Variants in RRM2 observed in about 807,000 individuals in gnomAD.
RRM2 encodes ribonucleoside-diphosphate reductase subunit M2.
RRM2 carries 6 observed loss-of-function variants against 45.9 expected under a neutral mutation model. The observed-to-expected ratio is 0.13, with a 90% CI of 0.07 to 0.26. The LOEUF (loss-of-function observed/expected upper bound fraction) is 0.26. Ranked by LOEUF, RRM2 falls within the 10% of genes least tolerant of loss-of-function variation. The pLI is 1.00. For missense variants in RRM2, 343 were observed against 489.5 expected, an observed-to-expected ratio of 0.70 and a Z score of 2.82; for synonymous variants, 177 against 173.0, an observed-to-expected ratio of 1.02 and a Z score of -0.18.
intron 3 of RRM2, among the ~76,000 whole-genome samples, chr2:10,178,614 G>A (rs1363735232): frequency 6.6e-6 from 1 of 152,156 alleles, no homozygotes; most frequent in African/African-American, 2.4e-5. Flanking sequence ...GTCACCATAA[G>A]AATGGTCTGT....
intron 3 of RRM2, among the ~76,000 whole-genome samples, chr2:10,208,464 A>G (rs1476305341): frequency 6.6e-6 from 1 of 152,218 alleles, no homozygotes; most frequent in Non-Finnish European, 1.5e-5. Context: ...ATGAGCAGAC[A>G]CAAAAGAATA....
At chr2:10,188,355 G>A (rs1664214116) in intron 3 of RRM2, among the ~76,000 whole-genome samples, 1 of 152,226 alleles carries the variant, frequency 6.6e-6, no homozygotes, top group African/African-American at 2.4e-5. Context: ...GGTAGACTCA[G>A]TTTCTAGTGG....
downstream of RRM2, among the ~76,000 whole-genome samples, chr2:10,134,308 G>A (rs1351248960): frequency 6.6e-6 from 1 of 152,086 alleles, no homozygotes; most frequent in Non-Finnish European, 1.5e-5. Flanking sequence ...TAGTCCCTTA[G>A]AGAAATTAAA....
At chr2:10,198,510 C>T (rs1664462362) in intron 3 of RRM2, 1 of 152,084 alleles carries the variant, frequency 6.6e-6, no homozygotes, top group African/African-American at 2.4e-5. Context: ...TCAAGCAATC[C>T]TCCAGCTTCA....
intron 3 of RRM2, among the ~76,000 whole-genome samples, chr2:10,151,754 C>A (rs1230126422): frequency 6.6e-6 from 1 of 152,220 alleles, no homozygotes; most frequent in Non-Finnish European, 1.5e-5. Context: ...TTGCTTCATA[C>A]CCTTGCCAAC....
chr2:10,204,805 T>C lies in RRM2; in HGVS notation n.483-5506T>C, dbSNP rs971593851. Among the ~76,000 whole-genome samples, 1 of 152,176 alleles carries C rather than the reference T, an allele frequency of 6.6e-6. No individual in the cohort carries two copies. The highest frequency in any genetic ancestry group is 2.4e-5 in the African/African-American group (1 of 41,428). ...GTCCCTTTTCCTCTTCCAAGATGGG[T>C]GGCACTGAACGCCGAGGCCACGGCC... On this transcript the variant is annotated intron_variant and non_coding_transcript_variant, in intron 3 of 3. Coordinates refer to the RRM2 transcript ENST00000381786. This position sits in a 1 kb window ranked among gnomAD's most constrained non-coding sequence, Gnocchi z 4.0.
In RRM2 at chr2:10,130,452, ATTT is replaced by A. The variant is rs1662873280; in HGVS notation, c.*1070_*1072del. Reference sequence around the variant, plus strand: ...ATTTACTATGTCTGTTAAATCAGAAATTTTTTATTATCTATGTTCTTCTAGATT... The same window carrying A: ...ATTTACTATGTCTGTTAAATCAGAAATTTATTATCTATGTTCTTCTAGATT... On this transcript the variant is annotated 3_prime_UTR_variant, in exon 10 of 10. Coordinates refer to ENST00000304567, the MANE Select transcript of RRM2 (RefSeq NM_001034.4). The A allele has an allele frequency of 6.6e-6, 1 of 151,960 alleles. No individual in the cohort carries two copies. Among genetic ancestry groups the A allele is most frequent in the South Asian group, 2.1e-4 (1 of 4,820 alleles). 9.4% of individuals were successfully genotyped at this position (151,960 alleles called of 1,614,324 possible). A position where few individuals can be genotyped will look rare whatever the true frequency, so the allele number is the denominator to read the frequency against.
At chr2:10,124,346 TCCAC>T (rs1225313003) in intron 4 of RRM2, among the ~76,000 whole-genome samples, 1 of 152,198 alleles carries the variant, frequency 6.6e-6, no homozygotes, top group African/African-American at 2.4e-5. Flanking sequence ...CCTCAGGTGA[TCCAC>T]CCACCTTGGC....
In RRM2 at chr2:10,205,020, A is replaced by G. The variant is rs1664636626; in HGVS notation, n.483-5291A>G. On this transcript the variant is annotated intron_variant and non_coding_transcript_variant, in intron 3 of 3. Coordinates refer to the RRM2 transcript ENST00000381786. This position sits in a 1 kb window ranked among gnomAD's most constrained non-coding sequence, Gnocchi z 4.8. Reference sequence around the variant, plus strand: ...AGCAAAGTCAGACGCAGTGGTTACAAGCAACCCCACGTGGTCTGCTTCGAA... The same window carrying G: ...AGCAAAGTCAGACGCAGTGGTTACAGGCAACCCCACGTGGTCTGCTTCGAA... 6.6e-6 allele frequency among the ~76,000 whole-genome samples: 1 copy of G among 152,248 alleles called. No homozygotes were observed. The highest frequency in any genetic ancestry group is 2.4e-5 in the African/African-American group (1 of 41,464).
downstream of RRM2, among the ~76,000 whole-genome samples, chr2:10,131,625 GC>G (rs1436303821): frequency 6.6e-6 from 1 of 152,154 alleles, no homozygotes; most frequent in Non-Finnish European, 1.5e-5. Flanking sequence ...TGTAATCCCA[GC>G]TACTCGTGAG....
Position 10,170,287 on chromosome 2 carries a change from A to G in RRM2, n.482+27912A>G, listed in dbSNP as rs186345783. Among the ~76,000 whole-genome samples the G allele has an allele frequency of 2.5e-4, 38 of 152,314 alleles. No individual in the cohort carries two copies. In the East Asian group the frequency reaches 3.7e-3, roughly 15 times the overall value. On this transcript the variant is annotated intron_variant and non_coding_transcript_variant, in intron 3 of 3. Transcript: ENST00000381786. ...GAGCAGGTGGCTGGAGACATAGAAC[A>G]TAAATATATCATGACTTGGGAGTTG...
Position 10,130,151 on chromosome 2 carries a change from T to G in RRM2, c.*765T>G, listed in dbSNP as rs886174658. 1.3e-5 allele frequency: 2 copies of G among 152,196 alleles called. No homozygotes were observed. Among genetic ancestry groups the G allele is most frequent in the African/African-American group, 4.8e-5 (2 of 41,452 alleles). The allele number at this position is 152,196 out of a possible 1,614,324, so 9.4% of individuals were successfully genotyped here. ...TTCTTAAGTTAAATCACTAGAAATTTAGGGGTGATCTGGGCCTTCATATGT... is the reference window on the plus strand; with the variant it reads ...TTCTTAAGTTAAATCACTAGAAATTGAGGGGTGATCTGGGCCTTCATATGT... On this transcript the variant is annotated 3_prime_UTR_variant, in exon 10 of 10. Coordinates refer to ENST00000304567, the MANE Select transcript of RRM2 (RefSeq NM_001034.4).
chr2:10,149,129 A>ATTTTTTTTTTTTTTT (rs771941572), intron 3 of RRM2, among the ~76,000 whole-genome samples: 1 of 122,468 alleles, frequency 8.2e-6, no homozygotes. Flanking sequence ...TGCTGTATTC[A>ATTTTTTTTTTTTTTT]TTTTTTTTTT....
At chr2:10,189,763 C>T (rs1664245300) in intron 3 of RRM2, among the ~76,000 whole-genome samples, 1 of 152,218 alleles carries the variant, frequency 6.6e-6, no homozygotes. Context: ...GCTTAAAAGT[C>T]TTACATGAGG....
chr2:10,122,691 A>G, upstream of RRM2: 1 of 1,550,782 alleles, frequency 6.4e-7, no homozygotes, highest in Non-Finnish European at 8.7e-7. Context: ...AAGGGCCGGG[A>G]GCGCGCGGCG....
In RRM2 at chr2:10,127,048, C is replaced by T. The variant is rs761628271; in HGVS notation, c.665-39C>T. The stretch of plus-strand genomic sequence containing the variant: ...TACTGGATTTTTGGCCCTTGAATAC[C>T]AACTCACTAGAATCATGTTGGTGTT... On this transcript the variant is annotated intron_variant, in intron 6 of 9. Coordinates refer to ENST00000304567, the MANE Select transcript of RRM2 (RefSeq NM_001034.4). This position sits in a 1 kb window ranked among gnomAD's most constrained non-coding sequence, Gnocchi z 4.1. 6.2e-7 allele frequency: 1 copy of T among 1,611,842 alleles called. No individual in the cohort carries two copies. Among genetic ancestry groups the T allele is most frequent in the Non-Finnish European group, 8.5e-7 (1 of 1,178,114 alleles).
intron 3 of RRM2, among the ~76,000 whole-genome samples, chr2:10,174,132 C>T (rs554812279): frequency 2.0e-5 from 3 of 152,330 alleles, no homozygotes; most frequent in East Asian, 3.9e-4. Flanking sequence ...CTCTCTGCCA[C>T]GTGAGGACAT....
Position 10,127,429 on chromosome 2 carries a change from T to A in RRM2, c.798+209T>A. ...CATTCTCAATATATTGTAATACATT[T>A]GTACATATGTATTCCCCTATAGGCT... On this transcript the variant is annotated intron_variant, in intron 7 of 9. Transcript: ENST00000304567. The surrounding 1 kb of genome is among the most constrained non-coding windows in gnomAD (Gnocchi z 4.1). The A allele has an allele frequency of 1.7e-6, 1 of 571,796 alleles. No homozygotes were observed. The allele number at this position is 571,796 out of a possible 1,614,324, so 35.4% of individuals were successfully genotyped here. A position where few individuals can be genotyped will look rare whatever the true frequency, so the allele number is the denominator to read the frequency against.
chr2:10,156,180 G>A (rs1663420700), intron 3 of RRM2: 3 of 152,238 alleles, frequency 2.0e-5, no homozygotes. Flanking sequence ...ACATTGGAAG[G>A]AGAATTGGCT....
Sources: allele counts gnomAD v4.1 joint callset (sites outside exome capture counted in the v4.1 genomes callset), GRCh38; gene constraint gnomAD v4.1.1; non-coding constraint Gnocchi (gnomAD v3.1); transcripts MANE v1.5; gene names NCBI Gene and HGNC (gene_info 2026-07-23, HGNC 2026-07-21).